Variants in NCAM2 observed in about 807,000 individuals in gnomAD.
NCAM2 encodes the protein neural cell adhesion molecule 2, also known as N-CAM-2.
Under a neutral mutation model 98.1 loss-of-function variants are expected in NCAM2, and 30 were observed. The ratio of observed to expected loss-of-function variants is 0.31; its 90% confidence interval spans 0.23 to 0.41. NCAM2 has a LOEUF of 0.41. NCAM2 is among the 10% of genes least tolerant of loss of function. NCAM2 has a pLI of 1.00. For synonymous variants in NCAM2, 368 were observed against 342.4 expected, an observed-to-expected ratio of 1.07 and a Z score of -0.83; for missense variants, 867 against 1,005.8, an observed-to-expected ratio of 0.86 and a Z score of 1.87.
chr21:21,519,557 A>G (rs1389473413), intron 16 of NCAM2, among the ~76,000 whole-genome samples: 1 of 129,414 alleles, frequency 7.7e-6, no homozygotes, highest in East Asian at 2.4e-4. Context: ...TTATTTTTAT[A>G]TAACCCTGTT....
chr21:21,392,042 A>G (rs1164222099), intron 9 of NCAM2, among the ~76,000 whole-genome samples: 3 of 152,138 alleles, frequency 2.0e-5, no homozygotes, highest in Non-Finnish European at 4.4e-5. Flanking sequence ...AGATTATTTC[A>G]TCACCCAGGT....
chr21:21,532,256 G>A (rs561081985), intron 16 of NCAM2, among the ~76,000 whole-genome samples: 116 of 152,024 alleles, frequency 7.6e-4, no homozygotes, highest in Middle Eastern at 3.4e-3. Flanking sequence ...TTCTTTTATA[G>A]ATTATAGCTA....
chr21:21,080,227 T>C (rs1160199481), intron 1 of NCAM2, among the ~76,000 whole-genome samples: 1 of 152,202 alleles, frequency 6.6e-6, no homozygotes, highest in Admixed American at 6.5e-5. Flanking sequence ...TTGTGCAGTA[T>C]TTTTGTGTAA....
At chr21:21,235,076 G>A (rs1237522038) in intron 1 of NCAM2, among the ~76,000 whole-genome samples, 1 of 151,910 alleles carries the variant, frequency 6.6e-6, no homozygotes, top group South Asian at 2.1e-4. Flanking sequence ...ATAGGGCATG[G>A]AATTCAATTA....
At position 21,324,394 on chromosome 21, in the gene NCAM2, A is replaced by G; in HGVS notation, c.631A>G (p.Ile211Val). ...IIVIVNVPPA[I>V]SMPQKSFNAT... ...CATCTCTCCTTCAGTGCCGCCAGCA[A>G]TCTCAATGCCTCAGAAATCTTTTAA... The change falls in exon 6 of 18, where the codon ATC (isoleucine) becomes GTC (valine). Residue 211 changes from isoleucine (I) to valine (V), a missense_variant. Coordinates refer to ENST00000400546, the MANE Select transcript of NCAM2 (RefSeq NM_004540.5). The G allele has an allele frequency of 1.2e-6, 2 of 1,612,950 alleles. No individual in the cohort carries two copies. Among genetic ancestry groups the G allele is most frequent in the Admixed American group, 1.7e-5 (1 of 59,968 alleles).
chr21:21,426,401 G>C (rs2077215122), intron 11 of NCAM2, among the ~76,000 whole-genome samples: 2 of 151,964 alleles, frequency 1.3e-5, no homozygotes, highest in Non-Finnish European at 2.9e-5. Flanking sequence ...TAGTATTTGA[G>C]ACTTTTACCA....
intron 1 of NCAM2, among the ~76,000 whole-genome samples, chr21:21,099,101 G>T (rs1248703165): frequency 6.6e-6 from 1 of 151,768 alleles, no homozygotes; most frequent in African/African-American, 2.4e-5. Context: ...CATTATCCAC[G>T]GGTCCAAAGT....
At chr21:21,116,986 T>C (rs2066575794) in intron 1 of NCAM2, among the ~76,000 whole-genome samples, 1 of 152,108 alleles carries the variant, frequency 6.6e-6, no homozygotes, top group Non-Finnish European at 1.5e-5. Context: ...GTCACCAAAA[T>C]TCTTGTGTTT....
chr21:21,505,413 A>AT (rs1987921706), intron 15 of NCAM2, among the ~76,000 whole-genome samples: 1 of 152,114 alleles, frequency 6.6e-6, no homozygotes, highest in Admixed American at 6.6e-5. Flanking sequence ...CTAAACCACC[A>AT]TAACTGTTAA....
At chr21:21,343,793 A>C (rs1338840075) in intron 8 of NCAM2, among the ~76,000 whole-genome samples, 2 of 152,088 alleles carry the variant, frequency 1.3e-5, no homozygotes, top group African/African-American at 4.8e-5. Context: ...ACTTGAAAAA[A>C]CTTATGAAAC....
intron 12 of NCAM2, among the ~76,000 whole-genome samples, chr21:21,441,783 C>T (rs1164112488): frequency 6.6e-6 from 1 of 152,080 alleles, no homozygotes; most frequent in Non-Finnish European, 1.5e-5. Flanking sequence ...ACAAAAGTGC[C>T]CTTAGGCTGG....
chr21:21,450,289 CGTGT>C (rs1270745921), intron 12 of NCAM2, among the ~76,000 whole-genome samples: 1 of 150,316 alleles, frequency 6.7e-6, no homozygotes. Flanking sequence ...TTAATATATG[CGTGT>C]GTGTGTGTTT....
At chr21:21,200,781 A>G (rs2069189189) in intron 1 of NCAM2, among the ~76,000 whole-genome samples, 1 of 127,354 alleles carries the variant, frequency 7.9e-6, no homozygotes, top group African/African-American at 2.9e-5. Context: ...TGAAGTGTCA[A>G]CCCTCCCAAA....
chr21:21,303,323 C>CT (rs2073781788), intron 5 of NCAM2, among the ~76,000 whole-genome samples: 1 of 151,940 alleles, frequency 6.6e-6, no homozygotes, highest in South Asian at 2.1e-4. Flanking sequence ...GTGAATGTAT[C>CT]TATTATCCAT....
rs763784898 is a variant in NCAM2, at chr21:21,324,484, G to T, written c.721G>T (p.Ala241Ser). 1.2e-5 allele frequency: 19 copies of T among 1,610,420 alleles called. No individual in the cohort carries two copies. Among genetic ancestry groups the T allele is most frequent in the Admixed American group, 6.7e-5 (4 of 59,928 alleles). The change falls in exon 6 of 18, where the codon GCC becomes TCC. Residue 241 changes from alanine (A) to serine (S), a missense_variant. Transcript: ENST00000400546. Reference protein sequence around the residue: ...SCRASGSPEPAISWFRNGKLI... With the variant: ...SCRASGSPEPSISWFRNGKLI... ...CAGGGCCTCAGGCTCTCCAGAACCC[G>T]CCATCTCCTGGTTCAGGTAGGTTAT...
intron 1 of NCAM2, among the ~76,000 whole-genome samples, chr21:21,173,150 CT>C (rs899549816): frequency 1.3e-5 from 2 of 152,090 alleles, no homozygotes; most frequent in South Asian, 2.1e-4. Context: ...AAAATTATTC[CT>C]TTTTTTGTGT....
At chr21:21,000,666 A>G (rs1280902355) in intron 1 of NCAM2, among the ~76,000 whole-genome samples, 2 of 152,066 alleles carry the variant, frequency 1.3e-5, no homozygotes, top group African/African-American at 4.8e-5. Flanking sequence ...CTCTCTATCT[A>G]GTACAATTTC....
chr21:21,534,486 T>C lies in NCAM2; in HGVS notation c.2283-51T>C, dbSNP rs143065880. On this transcript the variant is annotated intron_variant, in intron 16 of 17. Coordinates refer to ENST00000400546, the MANE Select transcript of NCAM2 (RefSeq NM_004540.5). ...TTTTAAACTCTGTTTTTTTCCATAA[T>C]GCATCCATTTTTAAATTACACAGGT... The C allele has an allele frequency of 5.6e-5, 78 of 1,400,344 alleles. No homozygotes were observed. The African/African-American group carries it at 9.5e-4, about 17-fold the overall frequency. The allele number at this position is 1,400,344 out of a possible 1,614,324, so 86.7% of individuals were successfully genotyped here.
At chr21:21,326,311 T>C (rs2074509879) in intron 6 of NCAM2, among the ~76,000 whole-genome samples, 1 of 152,210 alleles carries the variant, frequency 6.6e-6, no homozygotes, top group African/African-American at 2.4e-5. Flanking sequence ...CACCTATTTA[T>C]GTTGATGTTA....
Sources: allele counts gnomAD v4.1 joint callset (sites outside exome capture counted in the v4.1 genomes callset), GRCh38; gene constraint gnomAD v4.1.1; transcripts MANE v1.5; gene names NCBI Gene and HGNC (gene_info 2026-07-23, HGNC 2026-07-21).